BACH2: variants seen among roughly 807,000 people sequenced by gnomAD.
BACH2 encodes the protein transcription regulator protein BACH2.
BACH2 carries 5 observed loss-of-function variants against 61.8 expected under a neutral mutation model. The observed-to-expected ratio is 0.08, with a 90% CI of 0.04 to 0.17. The LOEUF is 0.17. Among genes scored for constraint, BACH2 ranks in the 10% least tolerant of loss-of-function variants. The pLI, the probability that BACH2 is intolerant of heterozygous loss-of-function variation, is 1.00. For synonymous variants in BACH2, 446 were observed against 440.1 expected (o/e 1.01, Z -0.17); for missense variants, 824 against 1,091.1 (o/e 0.76, Z 3.45).
intron 5 of BACH2, among the ~76,000 whole-genome samples, chr6:90,057,504 C>G (rs1164548145): frequency 1.3e-5 from 2 of 152,108 alleles, no homozygotes; most frequent in African/African-American, 4.8e-5. Context: ...CAAAAAAAGT[C>G]CAGGAACCAG....
At chr6:90,255,767 T>C (rs1770956444) in intron 2 of BACH2, among the ~76,000 whole-genome samples, 1 of 152,274 alleles carries the variant, frequency 6.6e-6, no homozygotes, top group Non-Finnish European at 1.5e-5. Context: ...ATCTGAACAA[T>C]GGGTGGTTTC....
intron 3 of BACH2, among the ~76,000 whole-genome samples, chr6:90,235,621 G>T (rs1318623618): frequency 6.6e-6 from 1 of 152,200 alleles, no homozygotes; most frequent in Non-Finnish European, 1.5e-5. Flanking sequence ...CAAGGAGTTT[G>T]AGCCTGGGCG....
intron 6 of BACH2, among the ~76,000 whole-genome samples, chr6:89,952,712 C>A (rs1774204237): frequency 6.6e-6 from 1 of 152,206 alleles, no homozygotes; most frequent in Non-Finnish European, 1.5e-5. Flanking sequence ...AGCCTACTGT[C>A]ATTTGCTGCT....
At chr6:89,981,184 T>C (rs992671205) in intron 6 of BACH2, among the ~76,000 whole-genome samples, 2 of 151,258 alleles carry the variant, frequency 1.3e-5, no homozygotes, top group Admixed American at 1.3e-4. Flanking sequence ...CAGGCTGGAG[T>C]GCAGTGGCGT....
intron 5 of BACH2, among the ~76,000 whole-genome samples, chr6:90,086,981 C>T (rs890205322): frequency 3.7e-4 from 56 of 152,166 alleles, no homozygotes; most frequent in African/African-American, 1.3e-3. Context: ...ACCCTTTGGG[C>T]AGCCCCCAGA....
chr6:90,176,211 T>C lies in BACH2; in HGVS notation c.-162+30358A>G, dbSNP rs572511253. Among the ~76,000 whole-genome samples, 6 of 152,328 alleles carry C rather than the reference T, an allele frequency of 3.9e-5. 1 individual carries two copies. The highest frequency in any genetic ancestry group is 3.9e-4 in the Admixed American group (6 of 15,302). On this transcript the variant is annotated intron_variant, in intron 4 of 8. Transcript: ENST00000257749. Reference sequence around the variant, plus strand: ...TACTGATTTTATCACATATCCAACATGTACATTCTTAAAACACATAGCAAA... The same window carrying C: ...TACTGATTTTATCACATATCCAACACGTACATTCTTAAAACACATAGCAAA...
At chr6:89,986,177 T>G (rs1388761869) in intron 6 of BACH2, among the ~76,000 whole-genome samples, 1 of 151,122 alleles carries the variant, frequency 6.6e-6, no homozygotes. Flanking sequence ...ATGGGGGAGC[T>G]CTGTAAGGAT....
At chr6:89,967,200 G>A (rs531193327) in intron 6 of BACH2, among the ~76,000 whole-genome samples, 1 of 152,296 alleles carries the variant, frequency 6.6e-6, no homozygotes, top group South Asian at 2.1e-4. Context: ...CATCTATTTT[G>A]AACATGGCTT....
chr6:89,959,097 G>GCACACACACA lies in BACH2; in HGVS notation c.244-7245_244-7236dup, dbSNP rs60175244. 4.1e-3 allele frequency among the ~76,000 whole-genome samples: 554 copies of GCACACACACA among 134,440 alleles called. 4 individuals are homozygous for GCACACACACA. Among genetic ancestry groups the GCACACACACA allele is most frequent in the East Asian group, 0.024 (105 of 4,288 alleles). The allele number at this position is 134,440 out of a possible 152,430, so 88.2% of individuals were successfully genotyped here. On this transcript the variant is annotated intron_variant, in intron 6 of 8. Transcript: ENST00000257749. ...GTCAATAACACATGCATGCACAAGT[G>GCACACACACA]CACACACACACACACACACACACAC...
intron 7 of BACH2, among the ~76,000 whole-genome samples, chr6:89,944,327 A>G (rs990596973): frequency 1.3e-5 from 2 of 152,204 alleles, no homozygotes; most frequent in African/African-American, 4.8e-5. Flanking sequence ...GATACAAGGT[A>G]TTATTATTTC....
At chr6:90,176,682 T>TGCTC (rs1253230354) in intron 4 of BACH2, among the ~76,000 whole-genome samples, 3 of 152,170 alleles carry the variant, frequency 2.0e-5, no homozygotes, top group Non-Finnish European at 4.4e-5. Flanking sequence ...GCGTCAGAAC[T>TGCTC]GCTCAACATC....
At chr6:90,164,240 T>C (rs7381998) in intron 4 of BACH2, among the ~76,000 whole-genome samples, 5,520 of 152,222 alleles carry the variant, frequency 0.036, 151 homozygotes, top group East Asian at 0.088. Flanking sequence ...ATATCACCAC[T>C]GATCCCACAG....
intron 4 of BACH2, among the ~76,000 whole-genome samples, chr6:90,120,990 AT>A: frequency 6.6e-6 from 1 of 152,364 alleles, no homozygotes; most frequent in East Asian, 1.9e-4. Flanking sequence ...CTGCCATTGA[AT>A]TAGATATGAT....
intron 3 of BACH2, among the ~76,000 whole-genome samples, chr6:90,215,797 T>C (rs1009489598): frequency 2.8e-4 from 42 of 152,290 alleles, no homozygotes; most frequent in African/African-American, 7.9e-4. Flanking sequence ...CAGAGTGCCA[T>C]TGGGGGTAGA....
chr6:90,124,197 G>C (rs1245634891), intron 4 of BACH2, among the ~76,000 whole-genome samples: 1 of 152,172 alleles, frequency 6.6e-6, no homozygotes, highest in African/African-American at 2.4e-5. Context: ...CAGATCTGCA[G>C]CTGCAGCCAA....
chr6:90,029,094 C>T (rs1480757956), intron 5 of BACH2, among the ~76,000 whole-genome samples: 1 of 152,130 alleles, frequency 6.6e-6, no homozygotes, highest in African/African-American at 2.4e-5. Flanking sequence ...GCTTTTGGCC[C>T]TGCCCACCTA....
chr6:90,163,740 C>A (rs1186836779), intron 4 of BACH2, among the ~76,000 whole-genome samples: 3 of 152,154 alleles, frequency 2.0e-5, no homozygotes, highest in African/African-American at 2.4e-5. Context: ...TCCCAGAGAG[C>A]TGAAGGGCTC....
intron 5 of BACH2, among the ~76,000 whole-genome samples, chr6:90,070,782 T>C (rs577909074): frequency 2.1e-4 from 32 of 152,360 alleles, no homozygotes; most frequent in African/African-American, 7.7e-4. Flanking sequence ...CTTTTAGTTC[T>C]GCTTTTGCTA....
chr6:90,168,932 TATG>T (rs914558249), intron 4 of BACH2, among the ~76,000 whole-genome samples: 1 of 152,220 alleles, frequency 6.6e-6, no homozygotes, highest in African/African-American at 2.4e-5. Context: ...TTTGTAAAGA[TATG>T]ATGTCATCAA....
Sources: gnomAD v4.1 joint callset for allele counts (sites outside exome capture counted in the v4.1 genomes callset) on GRCh38, gnomAD v4.1.1 for gene constraint, MANE v1.5 for transcripts, NCBI Gene and HGNC (gene_info 2026-07-23, HGNC 2026-07-21) for gene names.